The following POU2F1 variants were observed in gnomAD, a reference collection of about 807,000 sequenced individuals.
The protein encoded by POU2F1 is POU domain, class 2, transcription factor 1.
POU2F1 carries 16 observed loss-of-function variants against 84.9 expected under a neutral mutation model. The observed-to-expected ratio is 0.19, with a 90% CI of 0.13 to 0.29. POU2F1 has a LOEUF of 0.29. Among genes scored for constraint, POU2F1 ranks in the 10% least tolerant of loss-of-function variants. The probability of loss-of-function intolerance (pLI) is 1.00; values close to 1 mark genes in which losing one functional copy is unlikely to be tolerated. For missense variants in POU2F1, 738 were observed against 942.6 expected (o/e 0.78, Z 2.84); for synonymous variants, 368 against 368.3 (o/e 1.00, Z 0.01).
intron 1 of POU2F1, among the ~76,000 whole-genome samples, chr1:167,255,253 C>A (rs1004400709): frequency 6.6e-5 from 10 of 152,154 alleles, no homozygotes; most frequent in Non-Finnish European, 1.5e-4. Flanking sequence ...AGCAAGAAGT[C>A]CTACTAGGTA....
intron 9 of POU2F1, among the ~76,000 whole-genome samples, chr1:167,391,790 T>C (rs946746034): frequency 6.6e-6 from 1 of 151,436 alleles, no homozygotes; most frequent in Non-Finnish European, 1.5e-5. Context: ...ACTCCTGGGC[T>C]CAACCAAATC....
In POU2F1 at chr1:167,374,270, C is replaced by G. The variant is rs539840182; in HGVS notation, c.565C>G (p.Leu189Val). ...TGCCACGCCCATGACGCAGATCCCC[C>G]TGTCTCAGCCCATACAGATCGCACA... is the stretch of plus-strand genomic sequence containing the variant. ...SAATPMTQIP[L>V]SQPIQIAQDL... Residue 189 changes from leucine to valine, a missense_variant, in exon 6 of 16, where the codon CTG (leucine) becomes GTG (valine). Transcript: ENST00000367866. 2.5e-6 allele frequency: 4 copies of G among 1,611,706 alleles called. No homozygotes were observed. The South Asian group carries it at 4.4e-5, about 18-fold the overall frequency.
At chr1:167,320,491 G>A (rs879774596) in intron 1 of POU2F1, among the ~76,000 whole-genome samples, 3 of 152,214 alleles carry the variant, frequency 2.0e-5, no homozygotes, top group African/African-American at 4.8e-5. Context: ...AGCTAAGTGA[G>A]TTTGCCAAGT....
At chr1:167,337,485 C>G (rs974563219) in intron 2 of POU2F1, among the ~76,000 whole-genome samples, 58 of 152,130 alleles carry the variant, frequency 3.8e-4, no homozygotes, top group Admixed American at 3.0e-3. Flanking sequence ...GAATTTAATG[C>G]CAGCAAAGGA....
rs576583862 is a variant in POU2F1 at position 167,293,209 on chromosome 1, A to C, written c.62-39261A>C. On this transcript the variant is annotated intron_variant, in intron 1 of 15. Coordinates refer to ENST00000367866, the MANE Select transcript of POU2F1 (RefSeq NM_002697.4). ...ACAGCATCCAAATTGGAAAAGAGGA[A>C]GTCAGACTATCGTGATTGTATGCCT... Among the ~76,000 whole-genome samples the C allele has an allele frequency of 1.1e-4, 17 of 152,316 alleles. No homozygotes were observed. In the South Asian group the frequency reaches 3.5e-3, roughly 32 times the overall value.
chr1:167,258,384 G>C (rs974803012), intron 1 of POU2F1, among the ~76,000 whole-genome samples: 1 of 152,142 alleles, frequency 6.6e-6, no homozygotes, highest in African/African-American at 2.4e-5. Context: ...GCAATTGTTT[G>C]ACAACCAGTT....
chr1:167,417,800 A>G lies in POU2F1; in HGVS notation c.*1990A>G, dbSNP rs1275181551. ...TTCCCATTGTCCAGTAAGGCAGTAAATACAGACACAATGTGTACTTTTGTG... is the reference window on the plus strand; with the variant it reads ...TTCCCATTGTCCAGTAAGGCAGTAAGTACAGACACAATGTGTACTTTTGTG... On this transcript the variant is annotated 3_prime_UTR_variant, in exon 16 of 16. Coordinates refer to ENST00000367866, the MANE Select transcript of POU2F1 (RefSeq NM_002697.4). The G allele has an allele frequency of 6.6e-6, 1 of 152,228 alleles. No homozygotes were observed. Among genetic ancestry groups the G allele is most frequent in the Non-Finnish European group, 1.5e-5 (1 of 68,044 alleles). The allele number at this position is 152,228 out of a possible 1,614,324, so 9.4% of individuals were successfully genotyped here.
intron 2 of POU2F1, among the ~76,000 whole-genome samples, chr1:167,348,001 T>C (rs1658308996): frequency 1.3e-5 from 2 of 152,208 alleles, no homozygotes; most frequent in Admixed American, 1.3e-4. Context: ...TGTGAACATT[T>C]ATATACACGG....
intron 1 of POU2F1, among the ~76,000 whole-genome samples, chr1:167,314,069 T>C (rs1313838348): frequency 6.6e-6 from 1 of 151,916 alleles, no homozygotes; most frequent in Non-Finnish European, 1.5e-5. Context: ...CATGGTGGCA[T>C]GCACCTGTAA....
intron 2 of POU2F1, among the ~76,000 whole-genome samples, chr1:167,340,031 G>A (rs6427083): frequency 0.088 from 13,466 of 152,166 alleles, 1,903 homozygotes; most frequent in African/African-American, 0.3. Context: ...GAGGCTCAGA[G>A]AGGTTCAGTC....
intron 1 of POU2F1, among the ~76,000 whole-genome samples, chr1:167,308,534 C>G (rs1655243703): frequency 6.6e-6 from 1 of 152,086 alleles, no homozygotes; most frequent in South Asian, 2.1e-4. Flanking sequence ...TCCTCTCTCC[C>G]TCCCTTCCTC....
chr1:167,296,058 C>A (rs1029166442), intron 1 of POU2F1, among the ~76,000 whole-genome samples: 15 of 151,052 alleles, frequency 9.9e-5, no homozygotes, highest in African/African-American at 3.2e-4. Flanking sequence ...ACAGTTAAGT[C>A]GTGAGTTGGA....
At chr1:167,226,987 C>A (rs1347700940) in intron 1 of POU2F1, among the ~76,000 whole-genome samples, 2 of 151,946 alleles carry the variant, frequency 1.3e-5, no homozygotes, top group Non-Finnish European at 2.9e-5. Flanking sequence ...TGGGGTCTTG[C>A]TATGTTGCCT....
At chr1:167,267,717 C>CTGGTGCAACTGG (rs1652075595) in intron 1 of POU2F1, among the ~76,000 whole-genome samples, 1 of 135,416 alleles carries the variant, frequency 7.4e-6, no homozygotes, top group South Asian at 2.6e-4. Flanking sequence ...TCTTGACTCA[C>CTGGTGCAACTGG]TGCAAGCTCC....
rs370918521 is a variant in POU2F1, at chr1:167,308,351, G to A, written c.62-24119G>A. Among the ~76,000 whole-genome samples the A allele has an allele frequency of 1.7e-4, 26 of 152,192 alleles. No individual in the cohort carries two copies. In the East Asian group the frequency reaches 3.5e-3, roughly 20 times the overall value. On this transcript the variant is annotated intron_variant, in intron 1 of 15. Coordinates refer to ENST00000367866, the MANE Select transcript of POU2F1 (RefSeq NM_002697.4). Reference sequence around the variant, plus strand: ...CAAAGTGCTGGGATTACAGGCCTGAGCCACCACGCCCAGCCTGTTTCTTGA... The same window carrying A: ...CAAAGTGCTGGGATTACAGGCCTGAACCACCACGCCCAGCCTGTTTCTTGA...
intron 2 of POU2F1, chr1:167,357,380 C>CCA (rs1659027248): frequency 1.3e-3 from 4 of 2,996 alleles, no homozygotes; most frequent in Non-Finnish European, 3.3e-3. Context: ...CCCCCCCCCA[C>CCA]CCCCCCCCGC....
At chr1:167,386,508 T>C (rs753887607) in intron 8 of POU2F1, among the ~76,000 whole-genome samples, 2 of 152,208 alleles carry the variant, frequency 1.3e-5, no homozygotes, top group Admixed American at 6.5e-5. Context: ...TAAAATTAAA[T>C]GTGCATGTAC....
chr1:167,358,987 G>A (rs1015926034), intron 2 of POU2F1, among the ~76,000 whole-genome samples: 7 of 150,536 alleles, frequency 4.7e-5, no homozygotes, highest in Non-Finnish European at 7.4e-5. Context: ...GAACCAAGTT[G>A]GTGTTTCTAT....
intron 1 of POU2F1, among the ~76,000 whole-genome samples, chr1:167,272,389 T>TA (rs1557860484): frequency 5.1e-4 from 74 of 143,722 alleles, no homozygotes; most frequent in African/African-American, 1.8e-3. Flanking sequence ...CATTAGGATT[T>TA]CAAAAAAAAA....
Sources: allele counts gnomAD v4.1 joint callset (sites outside exome capture counted in the v4.1 genomes callset), GRCh38; gene constraint gnomAD v4.1.1; transcripts MANE v1.5; gene names NCBI Gene and HGNC (gene_info 2026-07-23, HGNC 2026-07-21).